The following LIN7C variants were observed in gnomAD, a reference collection of about 807,000 sequenced individuals.
LIN7C encodes protein lin-7 homolog C.
Under a neutral mutation model 24.7 loss-of-function variants are expected in LIN7C, and 17 were observed. The ratio of observed to expected loss-of-function variants is 0.69; its 90% CI spans 0.47 to 1.03. The LOEUF is 1.03. LIN7C is among the 50% of genes least tolerant of loss of function. The pLI is 0.00. For missense variants in LIN7C, 204 were observed against 239.0 expected (o/e 0.85, Z 0.97); for synonymous variants, 90 against 83.4 (o/e 1.08, Z -0.43).
intron 2 of LIN7C, 55 bp downstream of exon 2, chr11:27,501,747 T>C: frequency 8.8e-7 from 1 of 1,130,068 alleles, no homozygotes. Flanking sequence ...AAATTTAGAG[T>C]ATTATCTGAC....
rs1865194064 is a variant in LIN7C at position 27,498,724 on chromosome 11, G to A, written c.519C>T (p.Tyr173=). 2 of 1,613,896 alleles carry A rather than the reference G, an allele frequency of 1.2e-6. No individual in the cohort carries two copies. Among genetic ancestry groups the A allele is most frequent in the Non-Finnish European group, 1.7e-6 (2 of 1,179,898 alleles). The change falls in exon 5 of 5, where the codon TAC becomes TAT. Residue 173 remains tyrosine, a synonymous_variant. Coordinates refer to ENST00000278193, the MANE Select transcript of LIN7C (RefSeq NM_018362.4). The part of the protein sequence containing the change: ...AQGKVKLVVR[Y]TPKVLEEMES... Reference sequence around the variant, plus strand: ...CCATTTCTTCTAAGACTTTGGGTGTGTATCGTACCACTAATTTAACCTTTC... The same window carrying A: ...CCATTTCTTCTAAGACTTTGGGTGTATATCGTACCACTAATTTAACCTTTC...
chr11:27,505,204 C>T (rs1448926352), intron 1 of LIN7C, among the ~76,000 whole-genome samples: 1 of 152,090 alleles, frequency 6.6e-6, no homozygotes, highest in Non-Finnish European at 1.5e-5. Context: ...TGGCGGCGTT[C>T]GCCTGCAGTC....
intron 3 of LIN7C, 33 bp from the exon 4 acceptor site, chr11:27,499,601 CTT>C: frequency 6.4e-7 from 1 of 1,555,420 alleles, no homozygotes; most frequent in Non-Finnish European, 8.8e-7. Context: ...AAAAATATGA[CTT>C]TTATTTACTT....
At chr11:27,505,588 A>G (rs1865274910) in intron 1 of LIN7C, among the ~76,000 whole-genome samples, 1 of 152,216 alleles carries the variant, frequency 6.6e-6, no homozygotes, top group Non-Finnish European at 1.5e-5. Flanking sequence ...CAAATGGTGA[A>G]CACGGTAAAG....
rs1865148953 is a variant in LIN7C, at chr11:27,495,033, A to G, written c.*3616T>C. On this transcript the variant is annotated 3_prime_UTR_variant, in exon 5 of 5. Transcript: ENST00000278193. ...CAGGTCATGCTGACATTCTTTTTGG[A>G]TAAGCCATAACCATTTCTTCTATTA... 6.5e-6 allele frequency: 1 copy of G among 152,778 alleles called. No individual in the cohort carries two copies. The highest frequency in any genetic ancestry group is 2.1e-4 in the South Asian group (1 of 4,834). The allele number at this position is 152,778 out of a possible 1,614,324, so 9.5% of individuals were successfully genotyped here.
At chr11:27,498,842 C>G (rs770832955) in intron 4 of LIN7C, 38 bp from the exon 5 acceptor site, 2 of 1,575,848 alleles carry the variant, frequency 1.3e-6, no homozygotes, top group Non-Finnish European at 1.7e-6. Context: ...ACACTAATAT[C>G]TAAGTTTTGA....
chr11:27,506,233 C>A (rs1029254221), intron 1 of LIN7C, among the ~76,000 whole-genome samples: 1 of 152,240 alleles, frequency 6.6e-6, no homozygotes, highest in Admixed American at 6.5e-5. Flanking sequence ...AATACCCCAA[C>A]CCGAATACAA....
At chr11:27,500,589 C>G (rs946435450) in intron 3 of LIN7C, among the ~76,000 whole-genome samples, 4 of 151,986 alleles carry the variant, frequency 2.6e-5, no homozygotes, top group Non-Finnish European at 5.9e-5. Context: ...TATCTAGTAC[C>G]ATTTTTTTGT....
At position 27,499,395 on chromosome 11, in the gene LIN7C, G is replaced by A. The variant is rs1243865433; in HGVS notation, c.402C>T (p.Leu134=). The part of the protein sequence containing the change: ...PGGIADRHGG[L]KRGDQLLSVN... ...CAGAGAGGAGTTGATCTCCACGTTT[G>A]AGGCCCCCATGTCTATCAGCAATTC... Residue 134 remains leucine (L), a synonymous_variant, in exon 4 of 5, where the codon CTC becomes CTT. Coordinates refer to ENST00000278193, the MANE Select transcript of LIN7C (RefSeq NM_018362.4). The A allele has an allele frequency of 1.9e-6, 3 of 1,614,040 alleles. No individual in the cohort carries two copies. The highest frequency in any genetic ancestry group is 8.5e-7 in the Non-Finnish European group (1 of 1,179,976).
chr11:27,505,756 C>A (rs1408572880), intron 1 of LIN7C, among the ~76,000 whole-genome samples: 1 of 152,212 alleles, frequency 6.6e-6, no homozygotes, highest in Non-Finnish European at 1.5e-5. Context: ...ATTTCAGTCT[C>A]CATCCTACAT....
chr11:27,503,749 T>C (rs1028361457), intron 1 of LIN7C, among the ~76,000 whole-genome samples: 5 of 151,978 alleles, frequency 3.3e-5, no homozygotes, highest in African/African-American at 7.3e-5. Context: ...CCTGACTTCA[T>C]GATCCACCCA....
chr11:27,500,907 T>C (rs147275258), intron 3 of LIN7C, among the ~76,000 whole-genome samples: 1 of 152,184 alleles, frequency 6.6e-6, no homozygotes, highest in Non-Finnish European at 1.5e-5. Flanking sequence ...TAAAAAACTA[T>C]CTGCTGATGA....
chr11:27,505,453 C>T (rs1865271816), intron 1 of LIN7C, among the ~76,000 whole-genome samples: 1 of 152,234 alleles, frequency 6.6e-6, no homozygotes, highest in South Asian at 2.1e-4. Context: ...CACAGTGCCA[C>T]TGTGCTCAAG....
Position 27,497,204 on chromosome 11 carries a change from A to C in LIN7C, c.*1445T>G, listed in dbSNP as rs1041156254. The C allele has an allele frequency of 3.3e-5, 5 of 152,722 alleles. No individual in the cohort carries two copies. Among genetic ancestry groups the C allele is most frequent in the African/African-American group, 7.2e-5 (3 of 41,590 alleles). The allele number at this position is 152,722 out of a possible 1,614,324, so 9.5% of individuals were successfully genotyped here. ...ATCATCTGAGACTCACAGTGATCACAAACATGCAGAAAAAAGCATACAATT... is the reference window on the plus strand; with the variant it reads ...ATCATCTGAGACTCACAGTGATCACCAACATGCAGAAAAAAGCATACAATT... On this transcript the variant is annotated 3_prime_UTR_variant, in exon 5 of 5. Coordinates refer to ENST00000278193, the MANE Select transcript of LIN7C (RefSeq NM_018362.4).
intron 1 of LIN7C, among the ~76,000 whole-genome samples, chr11:27,504,642 T>C (rs965342956): frequency 2.6e-5 from 4 of 152,192 alleles, no homozygotes; most frequent in Non-Finnish European, 5.9e-5. Flanking sequence ...ACCACAGATA[T>C]CAAGATCTGC....
In LIN7C at chr11:27,499,386, T is replaced by A. The variant is rs946154740; in HGVS notation, c.411A>T (p.Gly137=). The stretch of plus-strand genomic sequence containing the variant: ...CTCCATTAACAGAGAGGAGTTGATC[T>A]CCACGTTTGAGGCCCCCATGTCTAT... The part of the protein sequence containing the change: ...IADRHGGLKR[G]DQLLSVNGVS... The change falls in exon 4 of 5, where the codon GGA becomes GGT. Residue 137 remains glycine (G), a synonymous_variant. Coordinates refer to ENST00000278193, the MANE Select transcript of LIN7C (RefSeq NM_018362.4). 1 of 1,613,970 alleles carries A rather than the reference T, an allele frequency of 6.2e-7. No individual in the cohort carries two copies. Among genetic ancestry groups the A allele is most frequent in the African/African-American group, 1.3e-5 (1 of 74,914 alleles).
chr11:27,501,105 A>G lies in LIN7C; in HGVS notation c.228+390T>C, dbSNP rs150832302. Among the ~76,000 whole-genome samples, 1,175 of 152,266 alleles carry G rather than the reference A, an allele frequency of 7.7e-3. 9 individuals are homozygous for G. The highest frequency in any genetic ancestry group is 0.012 in the Non-Finnish European group (802 of 68,006). On this transcript the variant is annotated intron_variant, in intron 3 of 4. Transcript: ENST00000278193. ...ATGCTATTTGTGTGGTTTGCGGCAAATCACCTCATGCTTCCTCATCAATAA... is the reference window on the plus strand; with the variant it reads ...ATGCTATTTGTGTGGTTTGCGGCAAGTCACCTCATGCTTCCTCATCAATAA...
Position 27,499,441 on chromosome 11 carries a change from A to T in LIN7C, c.356T>A (p.Ile119Lys). Residue 119 changes from isoleucine (I) to lysine (K), a missense_variant, in exon 4 of 5, where the codon ATA becomes AAA. By Grantham distance (102) the Ile-to-Lys change is moderately radical. Around this residue, in one of 3 missense-constraint regions of LIN7C, gnomAD observed 74 missense variants for 99.6 expected, o/e 0.74. Transcript: ENST00000278193. Reference sequence around the variant, plus strand: ...AATTCCACCTGGAATTATTCGGGATATATAGATTGGAGAGTTTTGTTCTTT... The same window carrying T: ...AATTCCACCTGGAATTATTCGGGATTTATAGATTGGAGAGTTTTGTTCTTT... ...GGKEQNSPIY[I>K]SRIIPGGIAD... 1 of 1,614,142 alleles carries T rather than the reference A, an allele frequency of 6.2e-7. No homozygotes were observed. The highest frequency in any genetic ancestry group is 8.5e-7 in the Non-Finnish European group (1 of 1,180,018).
chr11:27,499,655 C>T, intron 3 of LIN7C, 87 bp from the exon 4 acceptor site: 4 of 1,175,702 alleles, frequency 3.4e-6, no homozygotes, highest in Non-Finnish European at 3.7e-6. Flanking sequence ...TGGAGTCTCG[C>T]TCTGTCGCAC....
Sources: gnomAD v4.1 joint callset for allele counts (sites outside exome capture counted in the v4.1 genomes callset) on GRCh38, gnomAD v4.1.1 for gene constraint, gnomAD v4.1.1 regional missense constraint, MANE v1.5 for transcripts, NCBI Gene and HGNC (gene_info 2026-07-23, HGNC 2026-07-21) for gene names.